EYS: variants seen among roughly 807,000 people sequenced by gnomAD.
EYS encodes the protein protein eyes shut homolog.
Under a neutral mutation model 282.1 loss-of-function variants are expected in EYS, and 250 were observed. That is an observed-to-expected ratio of 0.89 (90% CI 0.80 to 0.98). The LOEUF is 0.98. EYS is among the 50% of genes least tolerant of loss of function. The probability of loss-of-function intolerance (pLI) is 0.00; values close to 1 mark genes in which losing one functional copy is unlikely to be tolerated. For synonymous variants in EYS, 1,355 were observed against 1,282.9 expected, an observed-to-expected ratio of 1.06 and a Z score of -1.20; for missense variants, 4,016 against 3,709.0, an observed-to-expected ratio of 1.08 and a Z score of -2.15.
chr6:65,171,436 A>C (rs183359836), intron 12 of EYS, among the ~76,000 whole-genome samples: 1 of 151,668 alleles, frequency 6.6e-6, no homozygotes, highest in African/African-American at 2.4e-5. Flanking sequence ...TTACATTTCA[A>C]CTTTTATGTC....
At chr6:63,977,661 G>T (rs1056469051) in intron 35 of EYS, among the ~76,000 whole-genome samples, 2 of 152,008 alleles carry the variant, frequency 1.3e-5, no homozygotes, top group Non-Finnish European at 2.9e-5. Flanking sequence ...CAACCATGGA[G>T]TGGCCCTTGG....
At chr6:65,666,521 A>C (rs2149829493) in intron 1 of EYS, among the ~76,000 whole-genome samples, 1 of 152,004 alleles carries the variant, frequency 6.6e-6, no homozygotes, top group Non-Finnish European at 1.5e-5. Context: ...TAGCATAACT[A>C]AAGTTTATAC....
At chr6:65,493,353 A>C (rs977110124) in intron 4 of EYS, among the ~76,000 whole-genome samples, 2 of 152,202 alleles carry the variant, frequency 1.3e-5, no homozygotes, top group African/African-American at 2.4e-5. Context: ...TGCTCTAGAT[A>C]TAGCTCTGCT....
intron 31 of EYS, among the ~76,000 whole-genome samples, chr6:64,179,578 G>A (rs1347040064): frequency 6.6e-6 from 1 of 152,050 alleles, no homozygotes; most frequent in Non-Finnish European, 1.5e-5. Context: ...TTCCAAAAAT[G>A]TTGAATTAAT....
chr6:64,349,446 AT>A (rs5876891), intron 29 of EYS, among the ~76,000 whole-genome samples: 99,915 of 150,590 alleles, frequency 0.66, 33,299 homozygotes, highest in South Asian at 0.71. Flanking sequence ...ATAAATTAAG[AT>A]GCAAAAAATA....
In EYS at chr6:65,001,448, G is replaced by T. The variant is rs1231013450; in HGVS notation, c.2138-3745C>A. Among the ~76,000 whole-genome samples the T allele has an allele frequency of 1.4e-5, 2 of 147,450 alleles. 1 individual carries two copies. The highest frequency in any genetic ancestry group is 3.0e-5 in the Non-Finnish European group (2 of 65,856). ...TGTTCCTCCTCTTCTCTCTTTCTCT[G>T]CGGAAGAGTCCGTTGGTCTGCCTGT... On this transcript the variant is annotated intron_variant, in intron 13 of 42. Transcript: ENST00000503581.
At chr6:65,660,187 T>C (rs755366128) in intron 1 of EYS, among the ~76,000 whole-genome samples, 5 of 151,840 alleles carry the variant, frequency 3.3e-5, no homozygotes, top group Admixed American at 6.6e-5. Flanking sequence ...ATCATGAAGC[T>C]GGTCCTGCAT....
At chr6:64,422,530 G>C (rs1342678480) in intron 28 of EYS, among the ~76,000 whole-genome samples, 1 of 152,154 alleles carries the variant, frequency 6.6e-6, no homozygotes, top group Non-Finnish European at 1.5e-5. Context: ...GATGCCTCAG[G>C]GAGGAAACAT....
In EYS at chr6:64,089,602, G is replaced by C. The variant is rs145253256; in HGVS notation, c.6425-7600C>G. On this transcript the variant is annotated intron_variant, in intron 31 of 42. Coordinates refer to ENST00000503581, the MANE Select transcript of EYS (RefSeq NM_001142800.2). Reference sequence around the variant, plus strand: ...TTAGAATTTAAAAAATTTAGATTTAGATGACTTGAGTTTCATAGACTAAAT... The same window carrying C: ...TTAGAATTTAAAAAATTTAGATTTACATGACTTGAGTTTCATAGACTAAAT... Among the ~76,000 whole-genome samples the C allele has an allele frequency of 6.5e-3, 990 of 151,582 alleles. 9 individuals carry two copies. The highest frequency in any genetic ancestry group is 0.022 in the African/African-American group (915 of 41,406).
At chr6:65,225,511 A>G (rs1188187130) in intron 12 of EYS, among the ~76,000 whole-genome samples, 1 of 151,530 alleles carries the variant, frequency 6.6e-6, no homozygotes, top group Non-Finnish European at 1.5e-5. Flanking sequence ...GTCAGAAGTT[A>G]GAGACCAGCC....
chr6:65,067,479 A>G (rs980243596), intron 12 of EYS, among the ~76,000 whole-genome samples: 3 of 152,138 alleles, frequency 2.0e-5, no homozygotes, highest in Non-Finnish European at 4.4e-5. Context: ...AAGAAATACA[A>G]TAAGTGTGCT....
chr6:64,763,468 C>G (rs911882556), intron 22 of EYS, among the ~76,000 whole-genome samples: 1 of 152,134 alleles, frequency 6.6e-6, no homozygotes, highest in Non-Finnish European at 1.5e-5. Context: ...ATCATAAAAA[C>G]AGCATGAGGC....
intron 28 of EYS, among the ~76,000 whole-genome samples, chr6:64,408,974 T>C (rs1773804732): frequency 6.6e-6 from 1 of 152,114 alleles, no homozygotes; most frequent in South Asian, 2.1e-4. Flanking sequence ...AAGTAGGCCC[T>C]GTGCTTATTG....
chr6:64,728,403 C>T (rs1165608710), intron 22 of EYS, among the ~76,000 whole-genome samples: 1 of 152,064 alleles, frequency 6.6e-6, no homozygotes, highest in Non-Finnish European at 1.5e-5. Flanking sequence ...GGCACAATCT[C>T]GGCTCACTGC....
chr6:65,396,445 C>G (rs1420949619), intron 7 of EYS, among the ~76,000 whole-genome samples: 2 of 152,106 alleles, frequency 1.3e-5, no homozygotes, highest in South Asian at 2.1e-4. Context: ...TCTGTCATCC[C>G]CATCATACTC....
intron 5 of EYS, among the ~76,000 whole-genome samples, chr6:65,483,524 A>C (rs1765677094): frequency 6.6e-6 from 1 of 152,164 alleles, no homozygotes; most frequent in African/African-American, 2.4e-5. Flanking sequence ...ACTATGGCTC[A>C]TTAGAACATA....
At chr6:64,943,586 T>C (rs542226904) in intron 15 of EYS, among the ~76,000 whole-genome samples, 1 of 151,940 alleles carries the variant, frequency 6.6e-6, no homozygotes, top group East Asian at 1.9e-4. Flanking sequence ...TCATTTACAA[T>C]AGCACACACA....
chr6:64,405,712 T>G (rs1444729786), intron 28 of EYS, among the ~76,000 whole-genome samples: 1 of 152,008 alleles, frequency 6.6e-6, no homozygotes, highest in African/African-American at 2.4e-5. Flanking sequence ...AAATCATGGG[T>G]GAACTCCCTT....
At chr6:64,250,874 C>A (rs1767187685) in intron 30 of EYS, among the ~76,000 whole-genome samples, 1 of 151,968 alleles carries the variant, frequency 6.6e-6, no homozygotes, top group South Asian at 2.1e-4. Flanking sequence ...TACTATTTTT[C>A]TTTTATGCAA....
Sources: gnomAD v4.1 joint callset for allele counts (sites outside exome capture counted in the v4.1 genomes callset) on GRCh38, gnomAD v4.1.1 for gene constraint, MANE v1.5 for transcripts, NCBI Gene and HGNC (gene_info 2026-07-23, HGNC 2026-07-21) for gene names.